The following ACOXL variants were observed in gnomAD, a reference collection of about 807,000 sequenced individuals.
ACOXL encodes acyl-coenzyme A oxidase-like protein.
Under a neutral mutation model 71.9 loss-of-function variants are expected in ACOXL, and 70 were observed. That is an observed-to-expected ratio of 0.97 (90% CI 0.80 to 1.19). The LOEUF is 1.19. Ranked by LOEUF, ACOXL falls within the 50% of genes most tolerant of loss-of-function variation. The pLI, the probability that ACOXL is intolerant of heterozygous loss-of-function variation, is 0.00. For synonymous variants in ACOXL, 253 were observed against 281.6 expected (o/e 0.90, Z 1.02); for missense variants, 703 against 736.3 (o/e 0.95, Z 0.52).
At chr2:110,872,492 C>T (rs981325090) in intron 10 of ACOXL, among the ~76,000 whole-genome samples, 2 of 152,232 alleles carry the variant, frequency 1.3e-5, no homozygotes, top group African/African-American at 4.8e-5. Context: ...CTGGGGGTCT[C>T]CCAACCTTCA....
In ACOXL at chr2:111,064,435, C is replaced by CAAAAA. The variant is rs34617136; in HGVS notation, c.1440+15153_1440+15157dup. On this transcript the variant is annotated intron_variant, in intron 16 of 17. Coordinates refer to ENST00000439055, the MANE Select transcript of ACOXL (RefSeq NM_001142807.4). ...TGGGCGAAAGAGCGACACTCCATCT[C>CAAAAA]AAAAAAAAAACAAAAAAAAAACAAC... 1.8e-3 allele frequency among the ~76,000 whole-genome samples: 155 copies of CAAAAA among 85,222 alleles called. 8 individuals are homozygous for CAAAAA. Among genetic ancestry groups the CAAAAA allele is most frequent in the Middle Eastern group, 0.018 (3 of 168 alleles). 55.9% of individuals were successfully genotyped at this position (85,222 alleles called of 152,430 possible).
chr2:110,805,145 G>A (rs1163555531), intron 8 of ACOXL, 118 bp from the exon 9 acceptor site: 2 of 1,373,616 alleles, frequency 1.5e-6, no homozygotes, highest in African/African-American at 2.9e-5. Context: ...CAAGGGGGAA[G>A]TTCCACGATG....
At chr2:111,101,449 A>C (rs2069151581) in intron 17 of ACOXL, among the ~76,000 whole-genome samples, 1 of 152,106 alleles carries the variant, frequency 6.6e-6, no homozygotes. Context: ...TTTAATGAAC[A>C]CTCAGATTTC....
At chr2:110,819,115 G>A (rs912144464) in intron 9 of ACOXL, among the ~76,000 whole-genome samples, 35 of 152,306 alleles carry the variant, frequency 2.3e-4, no homozygotes, top group Non-Finnish European at 3.4e-4. Context: ...AATTGCTGGA[G>A]CATGTGTGGA....
chr2:111,066,176 T>C (rs1303649167), intron 16 of ACOXL, among the ~76,000 whole-genome samples: 1 of 152,218 alleles, frequency 6.6e-6, no homozygotes. Flanking sequence ...GGTATGTGCA[T>C]ACCATGAAAT....
intron 10 of ACOXL, among the ~76,000 whole-genome samples, chr2:110,907,103 C>T (rs6714299): frequency 0.3 from 45,398 of 152,156 alleles, 7,366 homozygotes; most frequent in Middle Eastern, 0.37. Flanking sequence ...TCTCACAGTT[C>T]TGGAGACTGC....
chr2:110,733,409 A>C (rs1676439438), intron 1 of ACOXL, among the ~76,000 whole-genome samples: 1 of 152,142 alleles, frequency 6.6e-6, no homozygotes, highest in Admixed American at 6.5e-5. Flanking sequence ...CTGGAGATAG[A>C]GAGATGGTTC....
At chr2:110,847,895 G>A (rs1355817521) in intron 10 of ACOXL, among the ~76,000 whole-genome samples, 1 of 152,228 alleles carries the variant, frequency 6.6e-6, no homozygotes, top group Non-Finnish European at 1.5e-5. Context: ...GACTGTGCTC[G>A]TGTTTTTGTT....
intron 10 of ACOXL, among the ~76,000 whole-genome samples, chr2:110,904,315 C>T (rs941176088): frequency 2.0e-5 from 3 of 152,170 alleles, no homozygotes; most frequent in Non-Finnish European, 4.4e-5. Context: ...GCCAGCACAC[C>T]AGTGTCTGAG....
At chr2:110,984,451 G>C (rs1407796123) in intron 12 of ACOXL, among the ~76,000 whole-genome samples, 1 of 152,068 alleles carries the variant, frequency 6.6e-6, no homozygotes, top group African/African-American at 2.4e-5. Context: ...TCCCGTGGTA[G>C]CTGATGGCTT....
intron 8 of ACOXL, 134 bp from the exon 9 acceptor site, chr2:110,805,129 C>G: frequency 2.5e-6 from 3 of 1,194,880 alleles, no homozygotes; most frequent in South Asian, 2.9e-5. Flanking sequence ...TATCGGCGCT[C>G]TGTCTCAAGG....
intron 10 of ACOXL, among the ~76,000 whole-genome samples, chr2:110,866,421 A>T (rs531826607): frequency 4.6e-5 from 7 of 152,282 alleles, no homozygotes; most frequent in African/African-American, 1.7e-4. Context: ...GACTCAGTTA[A>T]GTGAGTCATT....
intron 3 of ACOXL, among the ~76,000 whole-genome samples, chr2:110,792,408 C>G (rs949207455): frequency 3.3e-5 from 5 of 152,216 alleles, no homozygotes; most frequent in Non-Finnish European, 5.9e-5. Context: ...CACTCTGCCT[C>G]TTCCTGTTTC....
At chr2:110,792,044 T>C (rs1247953295) in intron 3 of ACOXL, among the ~76,000 whole-genome samples, 1 of 152,192 alleles carries the variant, frequency 6.6e-6, no homozygotes, top group Non-Finnish European at 1.5e-5. Context: ...CCTCCAGATT[T>C]CATAGCCTCA....
chr2:110,861,924 T>C (rs1047912834), intron 10 of ACOXL, among the ~76,000 whole-genome samples: 1 of 152,162 alleles, frequency 6.6e-6, no homozygotes, highest in Non-Finnish European at 1.5e-5. Context: ...GTCGTGAGAC[T>C]GGGGGAGCTG....
At chr2:111,044,553 A>T (rs1042626442) in intron 15 of ACOXL, among the ~76,000 whole-genome samples, 3 of 152,246 alleles carry the variant, frequency 2.0e-5, no homozygotes, top group Non-Finnish European at 4.4e-5. Flanking sequence ...CTGAAGCCCC[A>T]GGTGCAGGTT....
At chr2:111,056,298 G>A (rs1161802839) in intron 16 of ACOXL, among the ~76,000 whole-genome samples, 1 of 151,856 alleles carries the variant, frequency 6.6e-6, no homozygotes, top group Non-Finnish European at 1.5e-5. Context: ...TCATTCCTAT[G>A]CCATTGAAGC....
chr2:110,957,415 C>T (rs994298002), intron 12 of ACOXL, among the ~76,000 whole-genome samples: 2 of 152,166 alleles, frequency 1.3e-5, no homozygotes, highest in African/African-American at 2.4e-5. Context: ...ACTTCCCACA[C>T]GCTGTATTTG....
At chr2:110,859,131 T>A (rs1693631027) in intron 10 of ACOXL, among the ~76,000 whole-genome samples, 1 of 152,242 alleles carries the variant, frequency 6.6e-6, no homozygotes, top group East Asian at 1.9e-4. Context: ...ATGTTAGTAT[T>A]TGCATAGTGA....
Sources: gnomAD v4.1 joint callset for allele counts (sites outside exome capture counted in the v4.1 genomes callset) on GRCh38, gnomAD v4.1.1 for gene constraint, MANE v1.5 for transcripts, NCBI Gene and HGNC (gene_info 2026-07-23, HGNC 2026-07-21) for gene names.